The following WWOX variants were observed in gnomAD, a reference collection of about 807,000 sequenced individuals.
WWOX encodes the protein WW domain containing oxidoreductase, also known as WW domain-containing oxidoreductase.
In WWOX, 69 loss-of-function variants were observed where a neutral mutation model predicts 46.2. That is an observed-to-expected ratio of 1.49 (90% CI 1.23 to 1.82). The LOEUF (loss-of-function observed/expected upper bound fraction) is 1.82. WWOX is among the 40% of genes most tolerant of loss of function. The pLI is 0.00. For missense variants in WWOX, 919 were observed against 542.6 expected (o/e 1.69, Z -6.89); for synonymous variants, 359 against 202.6 (o/e 1.77, Z -6.56).
At chr16:78,803,205 T>C (rs2050941916) in intron 8 of WWOX, among the ~76,000 whole-genome samples, 1 of 151,858 alleles carries the variant, frequency 6.6e-6, no homozygotes, top group Non-Finnish European at 1.5e-5. Context: ...CATAGGTTCT[T>C]CCTTAAATAA....
At chr16:78,947,235 G>A (rs929134523) in intron 8 of WWOX, among the ~76,000 whole-genome samples, 1 of 152,020 alleles carries the variant, frequency 6.6e-6, no homozygotes, top group African/African-American at 2.4e-5. Flanking sequence ...CTGCAAATGA[G>A]TTTGCTAAAT....
At chr16:78,585,681 TTTTTTG>T in intron 8 of WWOX, among the ~76,000 whole-genome samples, 2 of 149,588 alleles carry the variant, frequency 1.3e-5, no homozygotes, top group African/African-American at 5.0e-5. Context: ...TTGGGTTTTT[TTTTTTG>T]TTTTTTTTTG....
chr16:78,802,522 C>G (rs957752796), intron 8 of WWOX, among the ~76,000 whole-genome samples: 1 of 152,042 alleles, frequency 6.6e-6, no homozygotes, highest in Non-Finnish European at 1.5e-5. Context: ...TAGTTGAGGA[C>G]AAAGACCAAC....
chr16:78,494,631 G>C (rs970291638), intron 8 of WWOX, among the ~76,000 whole-genome samples: 1 of 152,242 alleles, frequency 6.6e-6, no homozygotes, highest in Non-Finnish European at 1.5e-5. Flanking sequence ...CAGGTACCTT[G>C]GAAAGACTGC....
Position 78,513,765 on chromosome 16 carries a change from G to T in WWOX, c.1056+81013G>T, listed in dbSNP as rs187736400. Among the ~76,000 whole-genome samples the T allele has an allele frequency of 1.6e-4, 24 of 152,204 alleles. No homozygotes were observed. In the East Asian group the frequency reaches 4.6e-3, roughly 29 times the overall value. On this transcript the variant is annotated intron_variant, in intron 8 of 8. Coordinates refer to ENST00000566780, the MANE Select transcript of WWOX (RefSeq NM_016373.4). Reference sequence around the variant, plus strand: ...CATATACCCCTCTAAGAAGGGGAGCGAATAGTATTTTCCAAACTTACGTCA... The same window carrying T: ...CATATACCCCTCTAAGAAGGGGAGCTAATAGTATTTTCCAAACTTACGTCA...
At chr16:78,146,334 T>A (rs2034196714) in intron 4 of WWOX, among the ~76,000 whole-genome samples, 1 of 152,176 alleles carries the variant, frequency 6.6e-6, no homozygotes, top group African/African-American at 2.4e-5. Flanking sequence ...GAATTTAAAT[T>A]GATCCTAGTC....
chr16:78,642,749 G>C (rs899608638), intron 8 of WWOX, among the ~76,000 whole-genome samples: 1 of 152,170 alleles, frequency 6.6e-6, no homozygotes, highest in East Asian at 1.9e-4. Context: ...TGCACATCAG[G>C]ATACCTCAGT....
chr16:78,735,426 C>CACACACAA lies in WWOX; in HGVS notation c.1056+302674_1056+302675insACACACAA, dbSNP rs57609552. Among the ~76,000 whole-genome samples the CACACACAA allele has an allele frequency of 3.1e-3, 461 of 150,290 alleles. 3 individuals are homozygous for CACACACAA. The highest frequency in any genetic ancestry group is 9.6e-3 in the African/African-American group (391 of 40,766). ...ACACACACACACACACACACACACA[C>CACACACAA]TAATATGGTTCTGATTCTCTGGAGA... On this transcript the variant is annotated intron_variant, in intron 8 of 8. Transcript: ENST00000566780.
At chr16:78,693,050 T>G (rs2048026249) in intron 8 of WWOX, among the ~76,000 whole-genome samples, 1 of 152,230 alleles carries the variant, frequency 6.6e-6, no homozygotes, top group Non-Finnish European at 1.5e-5. Flanking sequence ...TTCATTTTTA[T>G]TTGCCATCCA....
chr16:78,158,365 A>G (rs1414715621), intron 4 of WWOX, among the ~76,000 whole-genome samples: 1 of 152,138 alleles, frequency 6.6e-6, no homozygotes, highest in Non-Finnish European at 1.5e-5. Flanking sequence ...ACTGTACTCT[A>G]TAGGGTCTTC....
chr16:78,917,338 C>G (rs946118824), intron 8 of WWOX, among the ~76,000 whole-genome samples: 2 of 152,312 alleles, frequency 1.3e-5, no homozygotes, highest in Admixed American at 6.5e-5. Flanking sequence ...GTGTCCCACA[C>G]TCAAATAAAC....
intron 8 of WWOX, among the ~76,000 whole-genome samples, chr16:78,631,076 AAAG>A (rs2046417232): frequency 6.6e-6 from 1 of 152,184 alleles, no homozygotes; most frequent in African/African-American, 2.4e-5. Context: ...GAGATGATTT[AAAG>A]TGTACAGGAG....
chr16:79,199,933 A>G (rs1214900588), intron 8 of WWOX, among the ~76,000 whole-genome samples: 1 of 152,106 alleles, frequency 6.6e-6, no homozygotes, highest in Admixed American at 6.5e-5. Flanking sequence ...TCCTTGGTGT[A>G]CCCCATTGTC....
At chr16:79,086,127 G>C (rs2048850152) in intron 8 of WWOX, among the ~76,000 whole-genome samples, 1 of 151,710 alleles carries the variant, frequency 6.6e-6, no homozygotes, top group Non-Finnish European at 1.5e-5. Flanking sequence ...AGTCAATATT[G>C]TGGCTGCTCT....
chr16:78,476,650 C>T (rs899762654), intron 8 of WWOX, among the ~76,000 whole-genome samples: 20 of 151,974 alleles, frequency 1.3e-4, no homozygotes, highest in Admixed American at 5.2e-4. Flanking sequence ...CATCGACTTT[C>T]GTTTTCATTT....
At chr16:79,201,792 T>C (rs2051357958) in intron 8 of WWOX, among the ~76,000 whole-genome samples, 1 of 95,684 alleles carries the variant, frequency 1.0e-5, no homozygotes, top group Admixed American at 8.7e-5. Flanking sequence ...AACAAAAAGA[T>C]AACTAAATTG....
intron 8 of WWOX, among the ~76,000 whole-genome samples, chr16:78,670,475 G>A (rs1361283205): frequency 6.6e-6 from 1 of 152,078 alleles, no homozygotes; most frequent in Non-Finnish European, 1.5e-5. Context: ...TACCAGTGGT[G>A]TGTGATCGGA....
chr16:78,294,096 C>T (rs868547741), intron 5 of WWOX, among the ~76,000 whole-genome samples: 1 of 149,762 alleles, frequency 6.7e-6, no homozygotes, highest in African/African-American at 2.4e-5. Context: ...GCTGTGCCTT[C>T]TGCCCATTTG....
At chr16:78,879,183 T>C (rs2044292389) in intron 8 of WWOX, among the ~76,000 whole-genome samples, 1 of 152,158 alleles carries the variant, frequency 6.6e-6, no homozygotes, top group African/African-American at 2.4e-5. Context: ...GGAGCTCATC[T>C]TTCACGGTCA....
Sources: gnomAD v4.1 joint callset for allele counts (sites outside exome capture counted in the v4.1 genomes callset) on GRCh38, gnomAD v4.1.1 for gene constraint, MANE v1.5 for transcripts, NCBI Gene and HGNC (gene_info 2026-07-23, HGNC 2026-07-21) for gene names.